The following PRPF31 variants were observed in gnomAD, a reference collection of about 807,000 sequenced individuals.
PRPF31 encodes pre-mRNA processing factor 31.
In PRPF31, 12 loss-of-function variants were observed where a neutral mutation model predicts 60.4. That is an observed-to-expected ratio of 0.20 (90% CI 0.13 to 0.32). The LOEUF is 0.32. Ranked by LOEUF, PRPF31 falls within the 10% of genes least tolerant of loss-of-function variation. The pLI, the probability that PRPF31 is intolerant of heterozygous loss-of-function variation, is 1.00. For missense variants in PRPF31, 431 were observed against 687.1 expected (o/e 0.63, Z 4.17); for synonymous variants, 287 against 287.9 (o/e 1.00, Z 0.03).
intron 9 of PRPF31, among the ~76,000 whole-genome samples, chr19:54,126,857 G>A (rs2073934636): frequency 6.6e-6 from 1 of 152,222 alleles, no homozygotes; most frequent in African/African-American, 2.4e-5. Flanking sequence ...GTGGCCGGGT[G>A]CAGTAGCTCA....
Position 54,128,208 on chromosome 19 carries a change from G to T in PRPF31, c.1073+8G>T, listed in dbSNP as rs752777780. On this transcript the variant is annotated splice_region_variant and intron_variant, in intron 10 of 13. Transcript: ENST00000321030. ...GAAGCGAGGCGGCCGCAGGTGAGGG[G>T]CCCTGGGGGTCCGGTAGGCATGGGG... The T allele has an allele frequency of 2.5e-6, 4 of 1,570,448 alleles. No individual in the cohort carries two copies. The highest frequency in any genetic ancestry group is 2.6e-6 in the Non-Finnish European group (3 of 1,159,972).
At chr19:54,118,138 G>C in intron 1 of PRPF31, 133 bp from the exon 2 acceptor site, 1 of 1,279,070 alleles carries the variant, frequency 7.8e-7, no homozygotes, top group Non-Finnish European at 1.1e-6. Flanking sequence ...TAAAGCACCT[G>C]TTGTCGTGGA....
chr19:54,122,764 T>C, intron 5 of PRPF31, 170 bp downstream of exon 5: 1 of 693,548 alleles, frequency 1.4e-6, no homozygotes, highest in Non-Finnish European at 2.6e-6. Flanking sequence ...GACAGGACTT[T>C]CTCAGGGCTC....
intron 8 of PRPF31, among the ~76,000 whole-genome samples, chr19:54,125,791 G>C (rs587709346): frequency 1.3e-5 from 2 of 152,308 alleles, no homozygotes; most frequent in East Asian, 3.9e-4. Context: ...CCTGGGAGGA[G>C]AGAGAGTGGG....
In PRPF31 at chr19:54,123,692, G is replaced by C. The variant is rs879127961; in HGVS notation, c.528-57G>C. The C allele has an allele frequency of 4.3e-5, 68 of 1,592,718 alleles. 1 individual carries two copies. The highest frequency in any genetic ancestry group is 3.9e-4 in the South Asian group (35 of 89,832). On this transcript the variant is annotated intron_variant, in intron 6 of 13. Transcript: ENST00000321030. The stretch of plus-strand genomic sequence containing the variant: ...CACACACAGAACCGAGAGGGCTGGG[G>C]CTGGGCACACCAGGCAGGCGGGAGA...
chr19:54,130,689 A>AG (rs2074030683), intron 13 of PRPF31, among the ~76,000 whole-genome samples: 1 of 151,300 alleles, frequency 6.6e-6, no homozygotes. Flanking sequence ...GAGGTGGGAC[A>AG]GGGGAGGCTC....
At chr19:54,130,386 G>T (rs1408091474) in intron 13 of PRPF31, among the ~76,000 whole-genome samples, 4 of 152,218 alleles carry the variant, frequency 2.6e-5, no homozygotes, top group African/African-American at 9.6e-5. Flanking sequence ...AGCACTTTGG[G>T]AGGCCGAGGC....
chr19:54,118,740 A>C (rs1600325823), intron 3 of PRPF31, 107 bp downstream of exon 3: 3 of 1,123,232 alleles, frequency 2.7e-6, no homozygotes, highest in South Asian at 1.3e-5. Context: ...AGCCTTTTCC[A>C]GAGCCTTCTT....
intron 4 of PRPF31, chr19:54,122,239 C>T (rs2073809853): frequency 4.8e-6 from 3 of 620,754 alleles, no homozygotes; most frequent in Non-Finnish European, 8.6e-6. Context: ...CAGCCATCAC[C>T]TCCGCATTCC....
chr19:54,118,383 G>A lies in PRPF31; in HGVS notation c.105G>A (p.Val35=). ...EEEEEPAIED[V]QEETQLDLSG... ...AAGAGGAGCCAGCGATCGAGGATGT[G>A]CAGGAGGAGACACAGCTGGATCTTT... Residue 35 remains valine (V), a synonymous_variant, in exon 2 of 14, where the codon GTG becomes GTA. Coordinates refer to ENST00000321030, the MANE Select transcript of PRPF31 (RefSeq NM_015629.4). 1 of 1,614,154 alleles carries A rather than the reference G, an allele frequency of 6.2e-7. No individual in the cohort carries two copies.
chr19:54,127,093 T>C (rs1364896948), intron 9 of PRPF31, among the ~76,000 whole-genome samples: 1 of 152,140 alleles, frequency 6.6e-6, no homozygotes, highest in East Asian at 1.9e-4. Context: ...GCACTCCAGC[T>C]TGGGTGACAT....
chr19:54,127,182 A>G (rs879973024), intron 9 of PRPF31, among the ~76,000 whole-genome samples: 1 of 152,172 alleles, frequency 6.6e-6, no homozygotes, highest in South Asian at 2.1e-4. Context: ...GAAGTCCAAA[A>G]TGAGTTTCAC....
At position 54,128,362 on chromosome 19, in the gene PRPF31, T is replaced by A. The variant is rs780389815; in HGVS notation, c.1131T>A (p.Arg377=). The A allele has an allele frequency of 6.3e-5, 89 of 1,408,036 alleles. No homozygotes were observed. In the South Asian group the frequency reaches 6.9e-4, roughly 11 times the overall value. The allele number at this position is 1,408,036 out of a possible 1,614,324, so 87.2% of individuals were successfully genotyped here. The stretch of plus-strand genomic sequence containing the variant: ...CGGAGATCCGGAAGCAGGCCAACCG[T>A]ATGAGCTTCGGAGAGGTCAGACTCC... ...GLTEIRKQAN[R]MSFGEIEEDA... The change falls in exon 11 of 14, where the codon CGT becomes CGA. Residue 377 remains arginine (R), a synonymous_variant. Transcript: ENST00000321030.
At chr19:54,130,133 C>T (rs1263117720) in intron 13 of PRPF31, among the ~76,000 whole-genome samples, 1 of 115,802 alleles carries the variant, frequency 8.6e-6, no homozygotes, top group Non-Finnish European at 1.8e-5. Context: ...CGGGCGCAGA[C>T]AGCTCAGTAA....
intron 5 of PRPF31, chr19:54,122,992 G>A (rs1424887995): frequency 2.4e-5 from 11 of 452,024 alleles, no homozygotes; most frequent in East Asian, 4.5e-5. Flanking sequence ...GGAAGAGGTC[G>A]GATCACGTCC....
At chr19:54,121,752 C>T in intron 3 of PRPF31, 108 bp from the exon 4 acceptor site, 3 of 1,034,440 alleles carry the variant, frequency 2.9e-6, no homozygotes, top group Non-Finnish European at 2.9e-6. Context: ...ACTCTTCAGC[C>T]CCTCCTTCCT....
At chr19:54,123,629 G>A in intron 6 of PRPF31, 69 bp downstream of exon 6, 3 of 1,599,050 alleles carry the variant, frequency 1.9e-6, no homozygotes, top group Non-Finnish European at 1.7e-6. Context: ...TACACACGCA[G>A]GTGTACACAC....
intron 5 of PRPF31, chr19:54,122,806 C>T: frequency 1.6e-6 from 1 of 641,948 alleles, no homozygotes; most frequent in Non-Finnish European, 2.8e-6. Flanking sequence ...AGAGGGCTTC[C>T]CCGCTGGCCT....
intron 9 of PRPF31, among the ~76,000 whole-genome samples, chr19:54,127,135 A>C (rs1261240853): frequency 6.6e-6 from 1 of 152,124 alleles, no homozygotes; most frequent in African/African-American, 2.4e-5. Flanking sequence ...AAAAACAAAA[A>C]ACAGTACAGG....
Sources: allele counts gnomAD v4.1 joint callset (sites outside exome capture counted in the v4.1 genomes callset), GRCh38; gene constraint gnomAD v4.1.1; transcripts MANE v1.5; gene names NCBI Gene and HGNC (gene_info 2026-07-23, HGNC 2026-07-21).